The following KCNQ1 variants were observed in gnomAD, a reference collection of about 807,000 sequenced individuals.
The protein encoded by KCNQ1 is potassium voltage-gated channel subfamily Q member 1.
Under a neutral mutation model 72.4 loss-of-function variants are expected in KCNQ1, and 49 were observed. That is an observed-to-expected ratio of 0.68 (90% confidence interval 0.54 to 0.86). The LOEUF (loss-of-function observed/expected upper bound fraction) is 0.86, where lower values mean the gene tolerates loss of function less well. Among genes scored for constraint, KCNQ1 ranks in the 40% least tolerant of loss-of-function variants. KCNQ1 has a pLI of 0.00. For missense variants in KCNQ1, 790 were observed against 945.1 expected (o/e 0.84, Z 2.15); for synonymous variants, 450 against 412.6 (o/e 1.09, Z -1.10).
In KCNQ1 at chr11:2,538,099, C is replaced by G. The variant is rs1847765556; in HGVS notation, c.477+10081C>G. Among the ~76,000 whole-genome samples the G allele has an allele frequency of 6.6e-6, 1 of 152,204 alleles. No individual in the cohort carries two copies. The highest frequency in any genetic ancestry group is 2.4e-5 in the African/African-American group (1 of 41,458). On this transcript the variant is annotated intron_variant, in intron 2 of 15. Coordinates refer to ENST00000155840, the MANE Select transcript of KCNQ1 (RefSeq NM_000218.3). The surrounding 1 kb of genome is among the most constrained non-coding windows in gnomAD (Gnocchi z 6.7). ...TCCGTATAAAGCCCGTGTATATCCT[C>G]TGGAATGAGGACCTTCAACTTAGCC...
At chr11:2,558,049 C>G (rs983989415) in intron 2 of KCNQ1, among the ~76,000 whole-genome samples, 12 of 152,142 alleles carry the variant, frequency 7.9e-5, no homozygotes, top group African/African-American at 2.9e-4. Context: ...AATCCCTTAC[C>G]TATTTGGGAA....
At chr11:2,751,481 G>A (rs1393474119) in intron 11 of KCNQ1, among the ~76,000 whole-genome samples, 5 of 152,266 alleles carry the variant, frequency 3.3e-5, no homozygotes, top group Admixed American at 2.6e-4. Context: ...CTCCTGACGC[G>A]GGGACTTGCG....
chr11:2,848,646 G>T lies in KCNQ1; in HGVS notation c.*643G>T, dbSNP rs1028828683. The T allele has an allele frequency of 2.4e-5, 11 of 451,688 alleles. No homozygotes were observed. The highest frequency in any genetic ancestry group is 4.4e-5 in the Non-Finnish European group (10 of 224,926). 28.0% of individuals were successfully genotyped at this position (451,688 alleles called of 1,614,324 possible). ...ATTTCCCCAGGGCACGTGGTTGAGT[G>T]GGGGGAACGCCCACTTCCCTGGGTT... On this transcript the variant is annotated 3_prime_UTR_variant, in exon 16 of 16. Coordinates refer to ENST00000155840, the MANE Select transcript of KCNQ1 (RefSeq NM_000218.3).
intron 11 of KCNQ1, among the ~76,000 whole-genome samples, chr11:2,761,832 C>A (rs1846400650): frequency 6.6e-6 from 1 of 152,256 alleles, no homozygotes; most frequent in African/African-American, 2.4e-5. Flanking sequence ...GCTTGCAGTC[C>A]CGGCCGGCTG....
chr11:2,576,546 A>G (rs1184437138), intron 6 of KCNQ1, among the ~76,000 whole-genome samples: 7 of 152,182 alleles, frequency 4.6e-5, no homozygotes, highest in Admixed American at 2.0e-4. Context: ...CTGCACCTAA[A>G]TTTAGAATTG....
At chr11:2,520,349 T>C (rs1847359923) in intron 1 of KCNQ1, among the ~76,000 whole-genome samples, 1 of 152,172 alleles carries the variant, frequency 6.6e-6, no homozygotes, top group Non-Finnish European at 1.5e-5. Context: ...CAGCCCAGCG[T>C]GGGGCCCTCG....
At chr11:2,456,419 T>C (rs1207228067) in intron 1 of KCNQ1, among the ~76,000 whole-genome samples, 2 of 151,748 alleles carry the variant, frequency 1.3e-5, no homozygotes, top group East Asian at 3.9e-4. Flanking sequence ...AGCTAATAAG[T>C]CCTCAAAAGC....
chr11:2,631,576 A>G (rs1017254440), intron 10 of KCNQ1: 5 of 398,010 alleles, frequency 1.3e-5, no homozygotes, highest in African/African-American at 8.3e-5. Flanking sequence ...ATGTATCCCA[A>G]TTTCTTGGGA....
chr11:2,832,467 C>T (rs1050529799), intron 15 of KCNQ1, among the ~76,000 whole-genome samples: 11 of 152,210 alleles, frequency 7.2e-5, no homozygotes, highest in African/African-American at 2.2e-4. Context: ...ACAAGCTGCT[C>T]GCTCAGACGG....
chr11:2,672,595 G>A, intron 11 of KCNQ1: 1 of 398,690 alleles, frequency 2.5e-6, no homozygotes, highest in Non-Finnish European at 4.4e-6. Flanking sequence ...GATTGGGAAA[G>A]CATCCCTGTA....
intron 15 of KCNQ1, among the ~76,000 whole-genome samples, chr11:2,839,472 C>T (rs1004063586): frequency 6.6e-6 from 1 of 152,224 alleles, no homozygotes; most frequent in African/African-American, 2.4e-5. Flanking sequence ...AGGGAGGTGG[C>T]TGCGTGTCCA....
Position 2,565,030 on chromosome 11 carries a change from G to A in KCNQ1, c.478-5598G>A, listed in dbSNP as rs1373856108. ...GTTCCCCTTTTTGGCTGTTGTGAATGTTGCTGCTGTGGACATGGGTGTGTA... is the reference window on the plus strand; with the variant it reads ...GTTCCCCTTTTTGGCTGTTGTGAATATTGCTGCTGTGGACATGGGTGTGTA... On this transcript the variant is annotated intron_variant, in intron 2 of 15. Coordinates refer to ENST00000155840, the MANE Select transcript of KCNQ1 (RefSeq NM_000218.3). The surrounding 1 kb of genome is among the most constrained non-coding windows in gnomAD (Gnocchi z 5.6). 6.6e-6 allele frequency among the ~76,000 whole-genome samples: 1 copy of A among 152,180 alleles called. No individual in the cohort carries two copies. The highest frequency in any genetic ancestry group is 1.5e-5 in the Non-Finnish European group (1 of 68,032).
intron 1 of KCNQ1, among the ~76,000 whole-genome samples, chr11:2,499,533 C>CCCCA (rs761604921): frequency 1.4e-4 from 18 of 129,150 alleles, no homozygotes; most frequent in South Asian, 7.6e-4. Flanking sequence ...CCTGCCCCCA[C>CCCCA]AAAAAAAGAC....
rs567900381 is a variant in KCNQ1, at chr11:2,586,924, C to T, written c.1129-646C>T. Among the ~76,000 whole-genome samples the T allele has an allele frequency of 7.2e-5, 11 of 152,306 alleles. No homozygotes were observed. In the South Asian group the frequency reaches 1.9e-3, roughly 26 times the overall value. On this transcript the variant is annotated intron_variant, in intron 8 of 15. Coordinates refer to ENST00000155840, the MANE Select transcript of KCNQ1 (RefSeq NM_000218.3). Reference sequence around the variant, plus strand: ...TCTGGACGCTGCACAACTGCTCCCCCGCCGGGTCCCCTGCCGATAGTGTCC... The same window carrying T: ...TCTGGACGCTGCACAACTGCTCCCCTGCCGGGTCCCCTGCCGATAGTGTCC...
chr11:2,528,762 G>A (rs1847555922), intron 2 of KCNQ1, among the ~76,000 whole-genome samples: 1 of 152,234 alleles, frequency 6.6e-6, no homozygotes, highest in South Asian at 2.1e-4. Context: ...GGAAGAGAGT[G>A]TCACGACTCA....
chr11:2,496,874 G>GCCTGGTGGTGTCAAAATC (rs56276136), intron 1 of KCNQ1, among the ~76,000 whole-genome samples: 117,399 of 151,752 alleles, frequency 0.77, 45,377 homozygotes, highest in Middle Eastern at 0.79. Flanking sequence ...TGTAAGGCAA[G>GCCTGGTGGTGTCAAAATC]CCTCAGCATT....
At chr11:2,806,405 T>G (rs1246838566) in intron 15 of KCNQ1, among the ~76,000 whole-genome samples, 1 of 152,174 alleles carries the variant, frequency 6.6e-6, no homozygotes, top group Non-Finnish European at 1.5e-5. Flanking sequence ...CCAGCCTGCC[T>G]GGGGCCACAT....
At chr11:2,832,074 G>A (rs1847963178) in intron 15 of KCNQ1, among the ~76,000 whole-genome samples, 2 of 152,042 alleles carry the variant, frequency 1.3e-5, no homozygotes, top group Non-Finnish European at 2.9e-5. Context: ...TTAGGACCTG[G>A]GACAACTGCC....
chr11:2,682,567 T>C lies in KCNQ1; in HGVS notation c.1514+20486T>C, dbSNP rs1850417342. ...TGGCAGGGGTTCCATAAGGCTATGC[T>C]GGGGTTCAGGCAACCCAAGGCTGGT... On this transcript the variant is annotated intron_variant, in intron 11 of 15. Coordinates refer to ENST00000155840, the MANE Select transcript of KCNQ1 (RefSeq NM_000218.3). This position sits in a 1 kb window ranked among gnomAD's most constrained non-coding sequence, Gnocchi z 5.8. 2.5e-6 allele frequency: 1 copy of C among 398,450 alleles called. No homozygotes were observed. The highest frequency in any genetic ancestry group is 4.4e-6 in the Non-Finnish European group (1 of 226,086). 24.7% of individuals were successfully genotyped at this position (398,450 alleles called of 1,614,324 possible).
Sources: allele counts gnomAD v4.1 joint callset (sites outside exome capture counted in the v4.1 genomes callset), GRCh38; gene constraint gnomAD v4.1.1; non-coding constraint Gnocchi (gnomAD v3.1); transcripts MANE v1.5; gene names NCBI Gene and HGNC (gene_info 2026-07-23, HGNC 2026-07-21).